The following TAFA5 variants were observed in gnomAD, a reference collection of about 807,000 sequenced individuals.
TAFA5 encodes TAFA chemokine like family member 5, also known as chemokine-like protein TAFA-5.
A neutral mutation model predicts 15.3 loss-of-function variants in TAFA5; 6 were observed. The ratio of observed to expected loss-of-function variants is 0.39; its 90% confidence interval spans 0.21 to 0.77. TAFA5 has a LOEUF of 0.77. Among genes scored for constraint, TAFA5 ranks in the 30% least tolerant of loss-of-function variants. The probability of loss-of-function intolerance (pLI) is 0.41; values close to 1 mark genes in which losing one functional copy is unlikely to be tolerated. For missense variants in TAFA5, 161 were observed against 193.1 expected (o/e 0.83, Z 0.98); for synonymous variants, 103 against 80.7 (o/e 1.28, Z -1.48).
intron 3 of TAFA5, among the ~76,000 whole-genome samples, chr22:48,723,935 G>A (rs982654853): frequency 4.6e-5 from 7 of 152,070 alleles, no homozygotes; most frequent in African/African-American, 1.2e-4. Context: ...CTACATGCCC[G>A]ATTAGAATCC....
chr22:48,501,338 G>T (rs1368811569), intron 1 of TAFA5, among the ~76,000 whole-genome samples: 5 of 152,242 alleles, frequency 3.3e-5, no homozygotes, highest in Admixed American at 6.5e-5. Context: ...CAAACCTAAG[G>T]CCCGTTGGCC....
chr22:48,697,552 G>A (rs759632453), intron 2 of TAFA5, among the ~76,000 whole-genome samples: 1 of 151,960 alleles, frequency 6.6e-6, no homozygotes, highest in East Asian at 1.9e-4. Flanking sequence ...AATCATGGTG[G>A]TGATGGTGGT....
chr22:48,577,699 G>A (rs1224798122), intron 1 of TAFA5, among the ~76,000 whole-genome samples: 1 of 152,240 alleles, frequency 6.6e-6, no homozygotes, highest in Non-Finnish European at 1.5e-5. Flanking sequence ...CCGAGACCCT[G>A]TGACCTCCAC....
intron 1 of TAFA5, among the ~76,000 whole-genome samples, chr22:48,629,352 T>G (rs111721374): frequency 6.6e-6 from 1 of 152,262 alleles, no homozygotes; most frequent in African/African-American, 2.4e-5. Context: ...CGTCCTGGCC[T>G]CGGCACCCCG....
At chr22:48,740,903 A>G (rs986986780) in intron 3 of TAFA5, among the ~76,000 whole-genome samples, 3 of 152,110 alleles carry the variant, frequency 2.0e-5, no homozygotes, top group African/African-American at 7.2e-5. Context: ...AAACAGCCTT[A>G]GAAATGGCAG....
At chr22:48,730,474 G>A (rs1160767230) in intron 3 of TAFA5, among the ~76,000 whole-genome samples, 1 of 152,162 alleles carries the variant, frequency 6.6e-6, no homozygotes, top group African/African-American at 2.4e-5. Context: ...GGCCCACCTT[G>A]TTTTATTGTA....
At chr22:48,675,631 C>T (rs1927947573) in intron 2 of TAFA5, among the ~76,000 whole-genome samples, 2 of 152,270 alleles carry the variant, frequency 1.3e-5, no homozygotes, top group Non-Finnish European at 2.9e-5. Flanking sequence ...ACCTAGGAGG[C>T]ATGTGCCGAG....
At chr22:48,640,106 A>G (rs1315367729) in intron 1 of TAFA5, among the ~76,000 whole-genome samples, 2 of 152,152 alleles carry the variant, frequency 1.3e-5, no homozygotes, top group Non-Finnish European at 2.9e-5. Flanking sequence ...AGTGCAGCAG[A>G]TGGGGCCGGC....
chr22:48,731,981 G>A (rs7289291), intron 3 of TAFA5, among the ~76,000 whole-genome samples: 6,318 of 152,244 alleles, frequency 0.041, 415 homozygotes, highest in African/African-American at 0.14. Context: ...CATTCTAGAC[G>A]TCATTAAGAG....
intron 1 of TAFA5, among the ~76,000 whole-genome samples, chr22:48,616,485 C>T (rs544000310): frequency 2.0e-5 from 3 of 152,164 alleles, no homozygotes; most frequent in African/African-American, 4.8e-5. Flanking sequence ...ATCTCTAATG[C>T]GTCACCCGCC....
rs137928390 is a variant in TAFA5 at position 48,606,038 on chromosome 22, C to G, written c.113-40559C>G. Among the ~76,000 whole-genome samples the G allele has an allele frequency of 3.6e-3, 547 of 152,318 alleles. 1 individual carries two copies. Among genetic ancestry groups the G allele is most frequent in the Non-Finnish European group, 6.0e-3 (411 of 68,016 alleles). On this transcript the variant is annotated intron_variant, in intron 1 of 3. Coordinates refer to ENST00000402357, the MANE Select transcript of TAFA5 (RefSeq NM_001082967.3). ...ACTCAGCCTGGTGAGCCTGATGAGTCAGCACAAGGTCTGACCTTGGGAGGC... is the reference window on the plus strand; with the variant it reads ...ACTCAGCCTGGTGAGCCTGATGAGTGAGCACAAGGTCTGACCTTGGGAGGC...
intron 1 of TAFA5, among the ~76,000 whole-genome samples, chr22:48,617,462 T>G (rs1252544323): frequency 6.6e-6 from 1 of 152,188 alleles, no homozygotes; most frequent in Non-Finnish European, 1.5e-5. Flanking sequence ...GGGCCTGGTT[T>G]GAGGCCATTC....
At chr22:48,712,528 G>T (rs130159) in intron 3 of TAFA5, among the ~76,000 whole-genome samples, 1 of 152,138 alleles carries the variant, frequency 6.6e-6, no homozygotes. Flanking sequence ...TGGGCACACA[G>T]GCTCACATGG....
chr22:48,713,181 C>T (rs8142332), intron 3 of TAFA5, among the ~76,000 whole-genome samples: 2,475 of 152,256 alleles, frequency 0.016, 55 homozygotes, highest in Admixed American at 0.043. Flanking sequence ...GAAAATTCAG[C>T]GGGGTTTCTG....
intron 3 of TAFA5, among the ~76,000 whole-genome samples, chr22:48,719,216 T>C (rs1929494775): frequency 6.6e-6 from 1 of 152,182 alleles, no homozygotes; most frequent in South Asian, 2.1e-4. Flanking sequence ...TCCCCGTCCT[T>C]CTGGAACTAA....
chr22:48,745,566 C>T (rs1930306222), intron 3 of TAFA5, among the ~76,000 whole-genome samples: 2 of 152,232 alleles, frequency 1.3e-5, no homozygotes, highest in African/African-American at 4.8e-5. Context: ...ACCCTGAGCA[C>T]ACACATGACA....
At chr22:48,577,055 C>T (rs1207167936) in intron 1 of TAFA5, among the ~76,000 whole-genome samples, 1 of 152,200 alleles carries the variant, frequency 6.6e-6, no homozygotes, top group African/African-American at 2.4e-5. Context: ...CGCACCTGTT[C>T]CCCAGGGCCC....
At chr22:48,681,989 C>A (rs729578) in intron 2 of TAFA5, among the ~76,000 whole-genome samples, 71,359 of 119,290 alleles carry the variant, frequency 0.6, 29,278 homozygotes, top group Admixed American at 0.65. Context: ...TTGTTGTGGA[C>A]TCACTGGAGA....
chr22:48,703,717 C>T (rs1041610458), intron 2 of TAFA5, among the ~76,000 whole-genome samples: 17 of 152,254 alleles, frequency 1.1e-4, no homozygotes, highest in African/African-American at 3.6e-4. Flanking sequence ...CAGCTGAGCT[C>T]GGTAGTGAAG....
Sources: gnomAD v4.1 joint callset for allele counts (sites outside exome capture counted in the v4.1 genomes callset) on GRCh38, gnomAD v4.1.1 for gene constraint, MANE v1.5 for transcripts, NCBI Gene and HGNC (gene_info 2026-07-23, HGNC 2026-07-21) for gene names.